The following SUFU variants were observed in gnomAD, a reference collection of about 807,000 sequenced individuals.
SUFU encodes SUFU negative regulator of hedgehog signaling, also known as suppressor of fused homolog.
A neutral mutation model predicts 58.9 loss-of-function variants in SUFU; 7 were observed. The observed-to-expected ratio is 0.12, with a 90% CI of 0.07 to 0.22. The LOEUF (loss-of-function observed/expected upper bound fraction) is 0.22. SUFU is among the 10% of genes least tolerant of loss of function. SUFU has a pLI of 1.00. For synonymous variants in SUFU, 232 were observed against 254.8 expected, an observed-to-expected ratio of 0.91 and a Z score of 0.85; for missense variants, 451 against 641.3, an observed-to-expected ratio of 0.70 and a Z score of 3.20.
chr10:102,593,544 A>C, intron 4 of SUFU, 92 bp from the exon 5 acceptor site: 1 of 1,269,802 alleles, frequency 7.9e-7, no homozygotes. Context: ...TGGTCTCCCA[A>C]CTGGAGGTGA....
intron 3 of SUFU, among the ~76,000 whole-genome samples, chr10:102,577,682 GTTTT>G (rs113583636): frequency 7.6e-6 from 1 of 132,130 alleles, no homozygotes. Context: ...ACTACGAGTT[GTTTT>G]TTTTTTTTTT....
chr10:102,527,910 A>C (rs868012128), intron 2 of SUFU, among the ~76,000 whole-genome samples: 1 of 152,206 alleles, frequency 6.6e-6, no homozygotes, highest in Admixed American at 6.5e-5. Flanking sequence ...CCCAAGCTGC[A>C]TACTTAGGCA....
intron 3 of SUFU, among the ~76,000 whole-genome samples, chr10:102,556,904 A>C (rs2062986517): frequency 6.6e-6 from 1 of 151,774 alleles, no homozygotes; most frequent in African/African-American, 2.4e-5. Flanking sequence ...AGCCTGGCCA[A>C]CATGGTGAAA....
intron 2 of SUFU, among the ~76,000 whole-genome samples, chr10:102,517,236 C>T (rs554995306): frequency 2.6e-5 from 4 of 151,890 alleles, no homozygotes; most frequent in Non-Finnish European, 5.9e-5. Context: ...TACACTGAGC[C>T]GAGATCTCGC....
At chr10:102,550,200 G>T in intron 3 of SUFU, 94 bp downstream of exon 3, 2 of 1,558,410 alleles carry the variant, frequency 1.3e-6, no homozygotes, top group Admixed American at 3.6e-5. Context: ...TTTGTGGAGT[G>T]GCCTTTCCTG....
chr10:102,510,853 G>T (rs968935234), intron 2 of SUFU, among the ~76,000 whole-genome samples: 2 of 151,478 alleles, frequency 1.3e-5, no homozygotes, highest in African/African-American at 4.9e-5. Flanking sequence ...GGGTGTGGTG[G>T]CTCACGCCTA....
At chr10:102,551,498 C>A (rs2062914377) in intron 3 of SUFU, among the ~76,000 whole-genome samples, 1 of 151,744 alleles carries the variant, frequency 6.6e-6, no homozygotes, top group Middle Eastern at 3.2e-3. Context: ...ATTAGCCAGG[C>A]ATGGTGGTGG....
chr10:102,571,948 T>G (rs560494055), intron 3 of SUFU, among the ~76,000 whole-genome samples: 10 of 152,306 alleles, frequency 6.6e-5, no homozygotes, highest in African/African-American at 2.2e-4. Flanking sequence ...CCTTGCAACT[T>G]TAGGATTCAA....
At chr10:102,546,481 C>T (rs972119302) in intron 2 of SUFU, among the ~76,000 whole-genome samples, 12 of 152,208 alleles carry the variant, frequency 7.9e-5, no homozygotes, top group Non-Finnish European at 1.3e-4. Context: ...CCTTCTGCAG[C>T]ACATGCCAAT....
At chr10:102,599,896 G>C (rs996777386) in intron 8 of SUFU, among the ~76,000 whole-genome samples, 37 of 152,326 alleles carry the variant, frequency 2.4e-4, no homozygotes, top group African/African-American at 8.4e-4. Context: ...GTCTTGGCCA[G>C]AGTTGCCCTT....
rs1050991090 is a variant in SUFU, at chr10:102,632,270, C to A, written c.*2115C>A. ...GGTCTTTGTGGACTGAAGGTAGACACCAGCCAGCATGGTGGCCCTGTTCTG... is the reference window on the plus strand; with the variant it reads ...GGTCTTTGTGGACTGAAGGTAGACAACAGCCAGCATGGTGGCCCTGTTCTG... On this transcript the variant is annotated 3_prime_UTR_variant, in exon 12 of 12. Coordinates refer to ENST00000369902, the MANE Select transcript of SUFU (RefSeq NM_016169.4). 1 of 233,268 alleles carries A rather than the reference C, an allele frequency of 4.3e-6. No individual in the cohort carries two copies. The highest frequency in any genetic ancestry group is 8.5e-6 in the Non-Finnish European group (1 of 118,136). The allele number at this position is 233,268 out of a possible 1,614,324, so 14.4% of individuals were successfully genotyped here.
intron 10 of SUFU, chr10:102,618,006 G>T: frequency 6.1e-6 from 1 of 163,156 alleles, no homozygotes; most frequent in Admixed American, 5.8e-5. Context: ...TTGCTCTTCT[G>T]GCTGGAGCGA....
Position 102,532,180 on chromosome 10 carries a change from C to G in SUFU, c.318-17790C>G, listed in dbSNP as rs1427136167. Among the ~76,000 whole-genome samples, 5 of 152,228 alleles carry G rather than the reference C, an allele frequency of 3.3e-5. No individual in the cohort carries two copies. The South Asian group carries it at 8.3e-4, about 25-fold the overall frequency. ...ACAGGGTTTCACCATGCTGGCCAGG[C>G]TGGTCTGGAACTCCTGACCCTCTAG... On this transcript the variant is annotated intron_variant, in intron 2 of 11. Coordinates refer to ENST00000369902, the MANE Select transcript of SUFU (RefSeq NM_016169.4).
rs1045289951 is a variant in SUFU at position 102,580,631 on chromosome 10, T to G, written c.455-11951T>G. 2.6e-5 allele frequency among the ~76,000 whole-genome samples: 4 copies of G among 152,176 alleles called. No individual in the cohort carries two copies. In the East Asian group the frequency reaches 7.7e-4, roughly 29 times the overall value. Reference sequence around the variant, plus strand: ...CAGACAAGAAGAGGATCTGCTGCCTTCCTTTGGTGGGTGGGTACTGTTAGG... The same window carrying G: ...CAGACAAGAAGAGGATCTGCTGCCTGCCTTTGGTGGGTGGGTACTGTTAGG... On this transcript the variant is annotated intron_variant, in intron 3 of 11. Coordinates refer to ENST00000369902, the MANE Select transcript of SUFU (RefSeq NM_016169.4).
chr10:102,532,388 A>G (rs565247572), intron 2 of SUFU, among the ~76,000 whole-genome samples: 1 of 152,366 alleles, frequency 6.6e-6, no homozygotes, highest in East Asian at 1.9e-4. Context: ...GCAAATCAGC[A>G]GCTTACAACA....
chr10:102,520,816 T>G (rs2062542742), intron 2 of SUFU, among the ~76,000 whole-genome samples: 1 of 152,240 alleles, frequency 6.6e-6, no homozygotes, highest in Non-Finnish European at 1.5e-5. Flanking sequence ...TTTCTTTTTA[T>G]CACTTGATAC....
At chr10:102,537,361 G>A (rs1016567226) in intron 2 of SUFU, among the ~76,000 whole-genome samples, 1 of 150,722 alleles carries the variant, frequency 6.6e-6, no homozygotes, top group Middle Eastern at 3.3e-3. Context: ...AGACTCCTGG[G>A]CTCAAGCAGT....
chr10:102,591,582 G>T (rs2063402230), intron 3 of SUFU: 1 of 151,980 alleles, frequency 6.6e-6, no homozygotes, highest in Non-Finnish European at 1.5e-5. Flanking sequence ...GATTAGTATG[G>T]CCCCTGCGCA....
At chr10:102,568,209 T>TA (rs71912020) in intron 3 of SUFU, among the ~76,000 whole-genome samples, 44,250 of 144,332 alleles carry the variant, frequency 0.31, 6,685 homozygotes, top group Admixed American at 0.36. Flanking sequence ...CATTTTTACT[T>TA]AAAAAAAAAA....
Sources: allele counts gnomAD v4.1 joint callset (sites outside exome capture counted in the v4.1 genomes callset), GRCh38; gene constraint gnomAD v4.1.1; transcripts MANE v1.5; gene names NCBI Gene and HGNC (gene_info 2026-07-23, HGNC 2026-07-21).